Variants in ESR1 observed in about 807,000 individuals in gnomAD.
The protein encoded by ESR1 is estrogen receptor.
ESR1 carries 12 observed loss-of-function variants against 52.7 expected under a neutral mutation model. The observed-to-expected ratio is 0.23, with a 90% CI of 0.15 to 0.37. The LOEUF is 0.37. ESR1 is among the 10% of genes least tolerant of loss of function. The pLI is 1.00. For missense variants in ESR1, 584 were observed against 779.7 expected, an observed-to-expected ratio of 0.75 and a Z score of 2.99; for synonymous variants, 305 against 316.8, an observed-to-expected ratio of 0.96 and a Z score of 0.39.
At chr6:151,915,701 G>A (rs898545282) in intron 3 of ESR1, among the ~76,000 whole-genome samples, 4 of 152,078 alleles carry the variant, frequency 2.6e-5, no homozygotes, top group Non-Finnish European at 4.4e-5. Context: ...GACTTCAACT[G>A]TTTTTATAGA....
At position 151,813,242 on chromosome 6, in the gene ESR1, T is replaced by C. The variant is rs1320394800; in HGVS notation, c.452+4878T>C. 4.6e-5 allele frequency: 7 copies of C among 152,326 alleles called. No homozygotes were observed. In the East Asian group the frequency reaches 1.3e-3, roughly 29 times the overall value. The allele number at this position is 152,326 out of a possible 1,614,324, so 9.4% of individuals were successfully genotyped here. ...CTCAAAAAATATAGGAAGCACAGAA[T>C]GACAACTATTCTGGTCTCAACTGAC... On this transcript the variant is annotated intron_variant, in intron 1 of 7. Transcript: ENST00000206249.
chr6:151,936,058 ATTTGCATTG>A (rs1203555311), intron 3 of ESR1: 1 of 152,134 alleles, frequency 6.6e-6, no homozygotes, highest in Admixed American at 6.5e-5. Context: ...AAAGAGTAAT[ATTTGCATTG>A]TGACCCTTCA....
intron 1 of ESR1, among the ~76,000 whole-genome samples, chr6:151,831,715 T>G (rs1166157334): frequency 6.6e-6 from 1 of 152,180 alleles, no homozygotes; most frequent in East Asian, 1.9e-4. Flanking sequence ...CAACTGGTGT[T>G]GTAGTAGTAC....
At chr6:151,778,407 CTT>C (rs34516184) in intron 2 of ESR1, among the ~76,000 whole-genome samples, 14,625 of 142,594 alleles carry the variant, frequency 0.1, 834 homozygotes, top group Non-Finnish European at 0.13. Flanking sequence ...ATATTTACAA[CTT>C]TTTTTTTTTT....
intron 3 of ESR1, among the ~76,000 whole-genome samples, chr6:151,921,033 C>G (rs922284730): frequency 2.6e-5 from 4 of 152,024 alleles, no homozygotes; most frequent in African/African-American, 9.7e-5. Context: ...AGCTCATCAC[C>G]TAGGCATTAA....
At chr6:151,926,657 T>C (rs1006326254) in intron 3 of ESR1, among the ~76,000 whole-genome samples, 2 of 152,150 alleles carry the variant, frequency 1.3e-5, no homozygotes, top group African/African-American at 2.4e-5. Context: ...CATGATGATA[T>C]GTAGGAAAGA....
intron 2 of ESR1, among the ~76,000 whole-genome samples, chr6:151,856,547 A>G (rs1787868862): frequency 6.6e-6 from 1 of 152,174 alleles, no homozygotes; most frequent in African/African-American, 2.4e-5. Context: ...GATCTCAGAG[A>G]AGGAAGAAAA....
upstream of ESR1, among the ~76,000 whole-genome samples, chr6:151,688,435 T>G (rs1430553348): frequency 6.6e-6 from 1 of 152,164 alleles, no homozygotes; most frequent in African/African-American, 2.4e-5. Context: ...AATCTCAGTA[T>G]CCCACGGTTT....
intron 5 of ESR1, among the ~76,000 whole-genome samples, chr6:152,052,368 T>C (rs1240427961): frequency 6.6e-6 from 1 of 152,154 alleles, no homozygotes; most frequent in Non-Finnish European, 1.5e-5. Flanking sequence ...GCTCGCTGAA[T>C]GTAGAACAGT....
chr6:151,913,702 A>G (rs1219854191), intron 3 of ESR1, among the ~76,000 whole-genome samples: 1 of 152,148 alleles, frequency 6.6e-6, no homozygotes, highest in African/African-American at 2.4e-5. Context: ...TCTTCCAAAG[A>G]ACTCTGAGTC....
chr6:152,105,968 T>G (rs1485642805), downstream of ESR1, among the ~76,000 whole-genome samples: 1 of 150,360 alleles, frequency 6.7e-6, no homozygotes, highest in African/African-American at 2.4e-5. Context: ...TTTGTATTTT[T>G]TTTTTTAGTA....
At chr6:151,855,275 T>C (rs1307600833) in intron 2 of ESR1, among the ~76,000 whole-genome samples, 1 of 152,196 alleles carries the variant, frequency 6.6e-6, no homozygotes, top group Non-Finnish European at 1.5e-5. Flanking sequence ...GCCATGATGG[T>C]ATATTATAAT....
chr6:151,686,064 ATTTTTT>A (rs557270210), upstream of ESR1, among the ~76,000 whole-genome samples: 102 of 114,338 alleles, frequency 8.9e-4, 2 homozygotes, highest in South Asian at 0.012. Context: ...AATTAAAACA[ATTTTTT>A]TTTTTTTTTT....
chr6:151,699,930 C>T (rs1020533951), intron 1 of ESR1, among the ~76,000 whole-genome samples: 1 of 151,956 alleles, frequency 6.6e-6, no homozygotes, highest in Non-Finnish European at 1.5e-5. Flanking sequence ...AGAAAGTCAC[C>T]GTGGAGGGAA....
At chr6:151,740,285 A>ATTTTTTTTTTTTTTTTTT (rs386408967) in intron 2 of ESR1, among the ~76,000 whole-genome samples, 5 of 108,008 alleles carry the variant, frequency 4.6e-5, no homozygotes, top group Non-Finnish European at 5.4e-5. Flanking sequence ...TGCCTGGCTA[A>ATTTTTTTTTTTTTTTTTT]TTTTTTTTTT....
intron 2 of ESR1, among the ~76,000 whole-genome samples, chr6:151,792,411 G>T (rs1011672393): frequency 4.0e-5 from 6 of 151,830 alleles, no homozygotes; most frequent in African/African-American, 1.5e-4. Flanking sequence ...GTGAACATTA[G>T]CTTACTGTAT....
chr6:151,799,204 G>A (rs930692111), intron 2 of ESR1, among the ~76,000 whole-genome samples: 3 of 152,206 alleles, frequency 2.0e-5, no homozygotes, highest in Admixed American at 2.0e-4. Flanking sequence ...CTCCAAGTTT[G>A]GAGACACAGA....
chr6:151,996,806 A>G (rs943721080), intron 4 of ESR1, among the ~76,000 whole-genome samples: 2 of 152,146 alleles, frequency 1.3e-5, no homozygotes, highest in Admixed American at 1.3e-4. Context: ...GAGGAATGAA[A>G]TTGTTATTGA....
intron 4 of ESR1, among the ~76,000 whole-genome samples, chr6:152,008,021 A>G (rs947117410): frequency 6.6e-6 from 1 of 152,130 alleles, no homozygotes; most frequent in Admixed American, 6.6e-5. Context: ...TAGTTGGCCC[A>G]ATATAATTTT....
Sources: allele counts gnomAD v4.1 joint callset (sites outside exome capture counted in the v4.1 genomes callset), GRCh38; gene constraint gnomAD v4.1.1; transcripts MANE v1.5; gene names NCBI Gene and HGNC (gene_info 2026-07-23, HGNC 2026-07-21).